Variants in PHIP observed in about 807,000 individuals in gnomAD.
PHIP encodes PHIP subunit of CUL4-Ring ligase complex, also known as PH-interacting protein.
In PHIP, 54 loss-of-function variants were observed where a neutral mutation model predicts 236.8. The observed-to-expected ratio is 0.23, with a 90% confidence interval of 0.18 to 0.29. The LOEUF is 0.29. Among genes scored for constraint, PHIP ranks in the 10% least tolerant of loss-of-function variants. PHIP has a pLI of 1.00. For synonymous variants in PHIP, 756 were observed against 718.9 expected, an observed-to-expected ratio of 1.05 and a Z score of -0.83; for missense variants, 1,370 against 2,190.8, an observed-to-expected ratio of 0.63 and a Z score of 7.48.
At chr6:78,945,519 TA>T (rs748980817) in intron 38 of PHIP, 22 bp from the exon 39 acceptor site, 2 of 1,455,018 alleles carry the variant, frequency 1.4e-6, no homozygotes, top group African/African-American at 2.8e-5. Context: ...AAACAAAATT[TA>T]AAAATTAAGA....
At chr6:79,005,728 A>G (rs756206096) in intron 15 of PHIP, among the ~76,000 whole-genome samples, 2 of 152,074 alleles carry the variant, frequency 1.3e-5, no homozygotes, top group Non-Finnish European at 2.9e-5. Context: ...AAAGTAGTCC[A>G]ATTTAGCAAT....
intron 39 of PHIP, among the ~76,000 whole-genome samples, chr6:78,943,004 T>C (rs1470653844): frequency 6.6e-6 from 1 of 152,230 alleles, no homozygotes; most frequent in Non-Finnish European, 1.5e-5. Flanking sequence ...TGAAAAGTTA[T>C]GCAGCTTAGG....
intron 27 of PHIP, among the ~76,000 whole-genome samples, chr6:78,968,741 T>G (rs1483544126): frequency 2.0e-5 from 3 of 152,346 alleles, no homozygotes; most frequent in African/African-American, 7.2e-5. Flanking sequence ...AAATTAATAA[T>G]TGCTTCATTT....
chr6:79,041,355 A>T (rs982914140), intron 7 of PHIP, among the ~76,000 whole-genome samples: 1 of 152,102 alleles, frequency 6.6e-6, no homozygotes, highest in African/African-American at 2.4e-5. Flanking sequence ...CTCCCTAAAA[A>T]AATTCCAGGA....
chr6:79,069,881 C>T (rs1347614451), intron 4 of PHIP, among the ~76,000 whole-genome samples: 1 of 151,892 alleles, frequency 6.6e-6, no homozygotes, highest in Non-Finnish European at 1.5e-5. Flanking sequence ...TCAGAATTTA[C>T]TTAACTGTTA....
intron 31 of PHIP, among the ~76,000 whole-genome samples, chr6:78,961,258 G>C (rs1475120822): frequency 6.6e-6 from 1 of 151,600 alleles, no homozygotes; most frequent in African/African-American, 2.4e-5. Flanking sequence ...GCTGAATACA[G>C]GCAAAATAAG....
intron 24 of PHIP, among the ~76,000 whole-genome samples, chr6:78,977,569 A>G (rs1768193576): frequency 2.9e-5 from 4 of 140,024 alleles, no homozygotes; most frequent in Admixed American, 2.2e-4. Context: ...AAATGATGGA[A>G]TAGTGCTGAA....
At position 79,002,015 on chromosome 6, in the gene PHIP, G is replaced by A. The variant is rs758055051; in HGVS notation, c.1763C>T (p.Pro588Leu). ...GTTACCATCAACATCAACCAAAAAAGGGGGAGGCATAAGATGAGGTGCTTG... is the reference window on the plus strand; with the variant it reads ...GTTACCATCAACATCAACCAAAAAAAGGGGAGGCATAAGATGAGGTGCTTG... Reference protein sequence around the residue: ...TQQAPHLMPPPFLVDVDGNPH... With the variant: ...TQQAPHLMPPLFLVDVDGNPH... Residue 588 changes from proline to leucine, a missense_variant, in exon 17 of 40, where the codon CCT (proline) becomes CTT (leucine). Coordinates refer to ENST00000275034, the MANE Select transcript of PHIP (RefSeq NM_017934.7). 6.2e-7 allele frequency: 1 copy of A among 1,613,090 alleles called. No homozygotes were observed. The highest frequency in any genetic ancestry group is 2.2e-5 in the East Asian group (1 of 44,844).
chr6:78,985,169 A>C (rs553735724), intron 22 of PHIP, among the ~76,000 whole-genome samples, 183 bp downstream of exon 22: 1 of 152,248 alleles, frequency 6.6e-6, no homozygotes, highest in South Asian at 2.1e-4. Flanking sequence ...TCTAGTTGCA[A>C]TCACCAAAAA....
intron 17 of PHIP, 152 bp downstream of exon 17, chr6:79,001,747 C>T (rs1770010483): frequency 1.7e-6 from 1 of 593,298 alleles, no homozygotes; most frequent in Non-Finnish European, 3.0e-6. Context: ...ACTTGTAATC[C>T]TTAAGCATGA....
At chr6:79,023,557 T>C (rs945608077) in intron 9 of PHIP, among the ~76,000 whole-genome samples, 5 of 152,096 alleles carry the variant, frequency 3.3e-5, no homozygotes, top group Non-Finnish European at 7.4e-5. Flanking sequence ...ATAACAACTC[T>C]ATTGAACATA....
At chr6:78,968,264 A>T (rs1270777169) in intron 27 of PHIP, among the ~76,000 whole-genome samples, 1 of 152,242 alleles carries the variant, frequency 6.6e-6, no homozygotes, top group African/African-American at 2.4e-5. Context: ...CTACTTCTTG[A>T]CTTACAGATT....
intron 35 of PHIP, among the ~76,000 whole-genome samples, chr6:78,954,342 G>A (rs907378983): frequency 3.3e-5 from 5 of 151,776 alleles, no homozygotes; most frequent in Admixed American, 2.0e-4. Context: ...TCCTGACCTC[G>A]TGATCTGCCT....
intron 24 of PHIP, among the ~76,000 whole-genome samples, chr6:78,971,257 T>C (rs181098293): frequency 2.3e-3 from 356 of 152,330 alleles, no homozygotes; most frequent in Non-Finnish European, 3.7e-3. Flanking sequence ...GCAGAAAACA[T>C]TGAAATGAAA....
intron 29 of PHIP, among the ~76,000 whole-genome samples, chr6:78,963,943 G>A (rs1162058875): frequency 6.6e-6 from 1 of 151,060 alleles, no homozygotes; most frequent in African/African-American, 2.4e-5. Context: ...GTATGAATGT[G>A]TATCCAAATA....
At chr6:78,980,649 TAC>T (rs1252606481) in intron 23 of PHIP, among the ~76,000 whole-genome samples, 4 of 152,096 alleles carry the variant, frequency 2.6e-5, no homozygotes, top group African/African-American at 9.6e-5. Context: ...ATTTGATATA[TAC>T]ACAGTTATCA....
chr6:79,017,297 C>T (rs1770880914), intron 12 of PHIP, 49 bp downstream of exon 12: 2 of 1,119,314 alleles, frequency 1.8e-6, no homozygotes, highest in Non-Finnish European at 1.3e-6. Context: ...CTAAAATTGT[C>T]TTTATTTCAT....
At position 78,936,977 on chromosome 6, in the gene PHIP, A is replaced by C. The variant is rs1244783470; in HGVS notation, c.*3716T>G. ...TTAATGGGAAAATAAATTCTTGCCT[A>C]AGTGTAACAAAACCACTGCTCAATC... On this transcript the variant is annotated 3_prime_UTR_variant, in exon 40 of 40. Transcript: ENST00000275034. The C allele has an allele frequency of 2.6e-5, 4 of 151,818 alleles. No individual in the cohort carries two copies. The highest frequency in any genetic ancestry group is 9.7e-5 in the African/African-American group (4 of 41,426). 9.4% of individuals were successfully genotyped at this position (151,818 alleles called of 1,614,324 possible). A position where few individuals can be genotyped will look rare whatever the true frequency, so the allele number is the denominator to read the frequency against.
chr6:78,942,762 A>C (rs1319296644), intron 39 of PHIP, among the ~76,000 whole-genome samples: 1 of 152,176 alleles, frequency 6.6e-6, no homozygotes, highest in Non-Finnish European at 1.5e-5. Flanking sequence ...TGTACCTACT[A>C]CAGAAGATAG....
Sources: gnomAD v4.1 joint callset for allele counts (sites outside exome capture counted in the v4.1 genomes callset) on GRCh38, gnomAD v4.1.1 for gene constraint, MANE v1.5 for transcripts, NCBI Gene and HGNC (gene_info 2026-07-23, HGNC 2026-07-21) for gene names.